Variants in DCDC1 observed in about 807,000 individuals in gnomAD.
DCDC1 encodes the protein doublecortin domain containing 1.
A neutral mutation model predicts 178.3 loss-of-function variants in DCDC1; 200 were observed. That is an observed-to-expected ratio of 1.12 (90% confidence interval 1.00 to 1.26). The LOEUF (loss-of-function observed/expected upper bound fraction) is 1.26. Ranked by LOEUF, DCDC1 falls within the 50% of genes most tolerant of loss-of-function variation. The probability of loss-of-function intolerance (pLI) is 0.00; values close to 1 mark genes in which losing one functional copy is unlikely to be tolerated. For synonymous variants in DCDC1, 690 were observed against 604.8 expected, an observed-to-expected ratio of 1.14 and a Z score of -2.07; for missense variants, 1,983 against 1,749.2, an observed-to-expected ratio of 1.13 and a Z score of -2.38.
chr11:31,137,057 A>C (rs915136798), intron 10 of DCDC1, among the ~76,000 whole-genome samples: 12 of 152,198 alleles, frequency 7.9e-5, no homozygotes, highest in African/African-American at 2.9e-4. Context: ...AAAATTCAAA[A>C]AATTTTTGTT....
At chr11:31,216,191 T>C (rs931285871) in intron 9 of DCDC1, among the ~76,000 whole-genome samples, 4 of 152,092 alleles carry the variant, frequency 2.6e-5, no homozygotes, top group African/African-American at 4.8e-5. Context: ...ACTATTAATA[T>C]GAATATTAAC....
Position 31,153,010 on chromosome 11 carries a change from A to G in DCDC1, c.1222-15226T>C, listed in dbSNP as rs1965335855. ...TTGCCATAAGGGAATACAGACTCTA[A>G]AGTTTGGATATATTCTCAATACTGG... On this transcript the variant is annotated intron_variant, in intron 9 of 38. Coordinates refer to ENST00000684477, the MANE Select transcript of DCDC1 (RefSeq NM_001387274.1). Among the ~76,000 whole-genome samples the G allele has an allele frequency of 2.0e-5, 3 of 152,280 alleles. No individual in the cohort carries two copies. The South Asian group carries it at 6.2e-4, about 32-fold the overall frequency.
chr11:31,234,195 T>A (rs1171150822), intron 9 of DCDC1, among the ~76,000 whole-genome samples: 1 of 152,220 alleles, frequency 6.6e-6, no homozygotes, highest in Non-Finnish European at 1.5e-5. Flanking sequence ...TTTAGAAATG[T>A]AACAGGATAC....
intron 9 of DCDC1, among the ~76,000 whole-genome samples, chr11:31,212,250 A>G (rs549366807): frequency 6.6e-6 from 1 of 152,282 alleles, no homozygotes; most frequent in East Asian, 1.9e-4. Flanking sequence ...AAAAATAAAT[A>G]TACTAGAGGA....
In DCDC1 at chr11:31,084,377, T is replaced by C. The variant is rs567901371; in HGVS notation, c.2238-6452A>G. On this transcript the variant is annotated intron_variant, in intron 17 of 38. Coordinates refer to ENST00000684477, the MANE Select transcript of DCDC1 (RefSeq NM_001387274.1). ...TATTGTTATTTATAATAAAATATGG[T>C]TATCTTAAAAAAAAACAAGTCACAC... Among the ~76,000 whole-genome samples the C allele has an allele frequency of 1.1e-4, 16 of 152,182 alleles. No homozygotes were observed. In the South Asian group the frequency reaches 3.1e-3, roughly 30 times the overall value.
At chr11:30,911,028 T>G (rs1365785650) in intron 28 of DCDC1, among the ~76,000 whole-genome samples, 13 of 152,196 alleles carry the variant, frequency 8.5e-5, no homozygotes, top group Non-Finnish European at 1.5e-5. Flanking sequence ...ACTGAGACCA[T>G]AAGCTTGATG....
rs538881677 is a variant in DCDC1, at chr11:31,045,160, T to C, written c.2591+19309A>G. On this transcript the variant is annotated intron_variant, in intron 20 of 38. Coordinates refer to ENST00000684477, the MANE Select transcript of DCDC1 (RefSeq NM_001387274.1). ...TACTTATATGTATATGTGTGTAGAC[T>C]AAAAAGGAGCATTCCAATCTCACCA... Among the ~76,000 whole-genome samples the C allele has an allele frequency of 1.7e-4, 26 of 152,228 alleles. No homozygotes were observed. The East Asian group carries it at 4.8e-3, about 28-fold the overall frequency.
At chr11:30,868,045 C>T (rs1246337099) in intron 38 of DCDC1, among the ~76,000 whole-genome samples, 1 of 151,954 alleles carries the variant, frequency 6.6e-6, no homozygotes, top group Non-Finnish European at 1.5e-5. Flanking sequence ...AATGGAAGAA[C>T]CAGAATAGAT....
At chr11:31,206,115 A>AAT (rs2136474990) in intron 9 of DCDC1, among the ~76,000 whole-genome samples, 1 of 152,330 alleles carries the variant, frequency 6.6e-6, no homozygotes, top group East Asian at 1.9e-4. Flanking sequence ...AGGCAAATGG[A>AAT]TAAAGAATCA....
chr11:30,990,095 T>C lies in DCDC1; in HGVS notation c.2592-37527A>G, dbSNP rs918865227. Among the ~76,000 whole-genome samples the C allele has an allele frequency of 2.0e-5, 3 of 152,038 alleles. No homozygotes were observed. In the East Asian group the frequency reaches 5.8e-4, roughly 29 times the overall value. ...GAAGAAGACGCTTTTTCAAGAGACA[T>C]TGTGAAAACAAAAGGCACAATCAGA... On this transcript the variant is annotated intron_variant, in intron 20 of 38. Transcript: ENST00000684477.
Position 30,981,758 on chromosome 11 carries a change from C to T in DCDC1, c.2592-29190G>A, listed in dbSNP as rs764761538. 1.4e-4 allele frequency among the ~76,000 whole-genome samples: 21 copies of T among 152,088 alleles called. 1 individual carries two copies. Among genetic ancestry groups the T allele is most frequent in the Non-Finnish European group, 8.8e-5 (6 of 68,032 alleles). ...CCCTAGCTAATAAAGATCTGTTCAA[C>T]GTTTCAGTCATTTAAAATCTATGCT... On this transcript the variant is annotated intron_variant, in intron 20 of 38. Transcript: ENST00000684477.
At position 30,911,315 on chromosome 11, in the gene DCDC1, T is replaced by C. The variant is rs958020139; in HGVS notation, c.3747+12A>G. Reference sequence around the variant, plus strand: ...AAAGGCCATGACTAATCTTTAGCCATACATATCTTACCTGAACAATAACTG... The same window carrying C: ...AAAGGCCATGACTAATCTTTAGCCACACATATCTTACCTGAACAATAACTG... On this transcript the variant is annotated intron_variant, in intron 28 of 38. Transcript: ENST00000684477. 6.3e-7 allele frequency: 1 copy of C among 1,589,598 alleles called. No individual in the cohort carries two copies. Among genetic ancestry groups the C allele is most frequent in the Non-Finnish European group, 8.6e-7 (1 of 1,166,282 alleles).
At chr11:30,899,150 A>T (rs544488771) in intron 34 of DCDC1, among the ~76,000 whole-genome samples, 3 of 152,174 alleles carry the variant, frequency 2.0e-5, no homozygotes, top group Non-Finnish European at 2.9e-5. Context: ...CAAAAAAAAA[A>T]ACTTCTTCCC....
intron 20 of DCDC1, among the ~76,000 whole-genome samples, chr11:30,974,803 T>A (rs1016123790): frequency 1.4e-4 from 22 of 152,090 alleles, no homozygotes; most frequent in Admixed American, 1.0e-3. Context: ...TTACCAGCTC[T>A]CTTCAAACTA....
At chr11:31,249,257 G>C (rs981954231) in intron 8 of DCDC1, among the ~76,000 whole-genome samples, 1 of 152,146 alleles carries the variant, frequency 6.6e-6, no homozygotes, top group South Asian at 2.1e-4. Flanking sequence ...ATATTAAAGA[G>C]TCTACAAATA....
intron 1 of DCDC1, among the ~76,000 whole-genome samples, chr11:31,341,460 G>A (rs952504987): frequency 2.0e-5 from 3 of 149,650 alleles, no homozygotes; most frequent in Non-Finnish European, 4.4e-5. Flanking sequence ...TTAACAACGG[G>A]GATACGTTCT....
intron 15 of DCDC1, among the ~76,000 whole-genome samples, chr11:31,101,087 T>A (rs950465263): frequency 1.1e-4 from 16 of 152,138 alleles, no homozygotes; most frequent in South Asian, 6.2e-4. Context: ...AGAAACTGAA[T>A]GGGGAGCATA....
chr11:30,871,487 C>G (rs1941549573), intron 38 of DCDC1, among the ~76,000 whole-genome samples: 1 of 152,100 alleles, frequency 6.6e-6, no homozygotes, highest in African/African-American at 2.4e-5. Context: ...TTGAACAAGC[C>G]TAACTTAATA....
chr11:31,133,614 TG>T (rs1962735318), intron 10 of DCDC1, among the ~76,000 whole-genome samples: 1 of 152,200 alleles, frequency 6.6e-6, no homozygotes. Context: ...GAAGTTGAGC[TG>T]GGTGTAACTA....
Sources: gnomAD v4.1 joint callset for allele counts (sites outside exome capture counted in the v4.1 genomes callset) on GRCh38, gnomAD v4.1.1 for gene constraint, MANE v1.5 for transcripts, NCBI Gene and HGNC (gene_info 2026-07-23, HGNC 2026-07-21) for gene names.